Variants in SIM1 observed in about 807,000 individuals in gnomAD.
SIM1 encodes single-minded homolog 1.
SIM1 carries 18 observed loss-of-function variants against 78.2 expected under a neutral mutation model. The observed-to-expected ratio is 0.23, with a 90% CI of 0.16 to 0.34. The LOEUF (loss-of-function observed/expected upper bound fraction) is 0.34, where lower values mean the gene tolerates loss of function less well. Among genes scored for constraint, SIM1 ranks in the 10% least tolerant of loss-of-function variants. The pLI, the probability that SIM1 is intolerant of heterozygous loss-of-function variation, is 1.00. For missense variants in SIM1, 939 were observed against 975.1 expected (o/e 0.96, Z 0.49); for synonymous variants, 417 against 385.2 (o/e 1.08, Z -0.97).
Position 100,438,139 on chromosome 6 carries a change from C to T in SIM1, c.998+9129G>A, listed in dbSNP as rs527722832. ...GGACCTGATTAAAAAAAAGCTTCTG[C>T]GTTGCAAAAGAAACAATCAGCAGAA... On this transcript the variant is annotated intron_variant, in intron 9 of 11. Coordinates refer to ENST00000369208, the MANE Select transcript of SIM1 (RefSeq NM_005068.3). Among the ~76,000 whole-genome samples, 7 of 152,204 alleles carry T rather than the reference C, an allele frequency of 4.6e-5. 1 individual carries two copies. The highest frequency in any genetic ancestry group is 1.2e-4 in the African/African-American group (5 of 41,538).
intron 10 of SIM1, among the ~76,000 whole-genome samples, chr6:100,410,476 A>T (rs1771164825): frequency 6.6e-6 from 1 of 152,208 alleles, no homozygotes; most frequent in Admixed American, 6.5e-5. Flanking sequence ...TGACATGCTG[A>T]ACATAAATTA....
Position 100,447,363 on chromosome 6 carries a change from G to GT in SIM1, c.902dup (p.His301GlnfsTer66). On this transcript the variant is annotated frameshift_variant, in exon 9 of 12. Coordinates refer to ENST00000369208, the MANE Select transcript of SIM1 (RefSeq NM_005068.3). LOFTEE classifies it high-confidence loss of function. Reference sequence around the variant, plus strand: ...AGCTCTGCACCCATACCCAGCCGCCGTGTTTCGCCAGGAACCTGTAGTACT... The same window carrying GT: ...AGCTCTGCACCCATACCCAGCCGCCGTTGTTTCGCCAGGAACCTGTAGTACT... 1 of 1,614,236 alleles carries GT rather than the reference G, an allele frequency of 6.2e-7. No homozygotes were observed. The highest frequency in any genetic ancestry group is 8.5e-7 in the Non-Finnish European group (1 of 1,180,044).
Position 100,389,655 on chromosome 6 carries a change from T to TCAGCGC in SIM1, c.*700_*705dup, listed in dbSNP as rs1336831609. The TCAGCGC allele has an allele frequency of 2.0e-5, 8 of 398,862 alleles. No homozygotes were observed. 24.7% of individuals were successfully genotyped at this position (398,862 alleles called of 1,614,324 possible). ...TCAGTGTTCTTACTTAGAAAAACCC[T>TCAGCGC]CAGCGCCATGTCAGTGCAATCCTGG... On this transcript the variant is annotated 3_prime_UTR_variant, in exon 12 of 12. Coordinates refer to ENST00000369208, the MANE Select transcript of SIM1 (RefSeq NM_005068.3).
Position 100,388,007 on chromosome 6 carries a change from A to T in SIM1, c.*2354T>A, listed in dbSNP as rs1001894358. On this transcript the variant is annotated 3_prime_UTR_variant, in exon 12 of 12. Coordinates refer to ENST00000369208, the MANE Select transcript of SIM1 (RefSeq NM_005068.3). ...TCATCAAATATTTTTTCTTCCAAACATCTATCAATCTACAGAATTCTACAA... is the reference window on the plus strand; with the variant it reads ...TCATCAAATATTTTTTCTTCCAAACTTCTATCAATCTACAGAATTCTACAA... 6.6e-6 allele frequency: 1 copy of T among 152,126 alleles called. No homozygotes were observed. The highest frequency in any genetic ancestry group is 1.5e-5 in the Non-Finnish European group (1 of 68,000). 9.4% of individuals were successfully genotyped at this position (152,126 alleles called of 1,614,324 possible). A position where few individuals can be genotyped will look rare whatever the true frequency, so the allele number is the denominator to read the frequency against.
intron 10 of SIM1, among the ~76,000 whole-genome samples, chr6:100,402,569 T>C (rs1248295211): frequency 8.1e-4 from 79 of 97,662 alleles, no homozygotes; most frequent in African/African-American, 2.3e-3. Flanking sequence ...TCTTTTCTCT[T>C]TTTTTTTTTT....
chr6:100,457,356 C>G (rs903743584), intron 2 of SIM1, among the ~76,000 whole-genome samples: 1 of 152,228 alleles, frequency 6.6e-6, no homozygotes, highest in African/African-American at 2.4e-5. Flanking sequence ...AGGCCCTGTT[C>G]CATGACCTGA....
intron 9 of SIM1, among the ~76,000 whole-genome samples, chr6:100,440,475 C>T (rs1772181127): frequency 6.6e-6 from 1 of 152,174 alleles, no homozygotes; most frequent in South Asian, 2.1e-4. Context: ...TTGTCAATGC[C>T]CCACAAAGTA....
At position 100,453,666 on chromosome 6, in the gene SIM1, T is replaced by G. The variant is rs567895845; in HGVS notation, c.258+96A>C. 1.7e-5 allele frequency: 16 copies of G among 940,202 alleles called. No homozygotes were observed. The East Asian group carries it at 4.4e-4, about 26-fold the overall frequency. 58.2% of individuals were successfully genotyped at this position (940,202 alleles called of 1,614,324 possible). A position where few individuals can be genotyped will look rare whatever the true frequency, so the allele number is the denominator to read the frequency against. On this transcript the variant is annotated intron_variant, in intron 3 of 11. Coordinates refer to ENST00000369208, the MANE Select transcript of SIM1 (RefSeq NM_005068.3). ...TTGTGGGGGGGGTTGTTTGTTTTTT[T>G]TTTGTTTTTGTTTTCTGAGAAACTA... is the stretch of plus-strand genomic sequence containing the variant.
At chr6:100,453,709 C>G (rs1772572893) in intron 3 of SIM1, 53 bp downstream of exon 3, 1 of 1,317,198 alleles carries the variant, frequency 7.6e-7, no homozygotes. Flanking sequence ...AACTCAGGGC[C>G]AGGCACTCAG....
intron 10 of SIM1, among the ~76,000 whole-genome samples, chr6:100,408,591 A>G (rs2114484897): frequency 6.6e-6 from 1 of 151,936 alleles, no homozygotes; most frequent in East Asian, 1.9e-4. Context: ...CATTTATTCT[A>G]TACTAATTTG....
intron 9 of SIM1, among the ~76,000 whole-genome samples, chr6:100,434,668 C>T (rs913095311): frequency 2.6e-5 from 4 of 152,164 alleles, no homozygotes; most frequent in South Asian, 2.1e-4. Context: ...ATTCTAAGAT[C>T]GCATTTTACC....
chr6:100,421,972 C>CAT (rs1771600144), intron 9 of SIM1, among the ~76,000 whole-genome samples: 2 of 151,638 alleles, frequency 1.3e-5, no homozygotes, highest in Non-Finnish European at 2.9e-5. Flanking sequence ...TCATATAGCT[C>CAT]CTCACGTTTC....
chr6:100,453,684 A>G, intron 3 of SIM1, 78 bp downstream of exon 3: 3 of 1,002,770 alleles, frequency 3.0e-6, no homozygotes, highest in Non-Finnish European at 4.3e-6. Context: ...TTGTTTTCTG[A>G]GAAACTAAAA....
Position 100,389,637 on chromosome 6 carries a change from T to G in SIM1, c.*724A>C, listed in dbSNP as rs1176246363. 1 of 398,884 alleles carries G rather than the reference T, an allele frequency of 2.5e-6. No individual in the cohort carries two copies. The highest frequency in any genetic ancestry group is 4.4e-5 in the Admixed American group (1 of 22,720). 24.7% of individuals were successfully genotyped at this position (398,884 alleles called of 1,614,324 possible). ...GATGTGTGTCCCAATATCTCAGTGT[T>G]CTTACTTAGAAAAACCCTCAGCGCC... is the stretch of plus-strand genomic sequence containing the variant. On this transcript the variant is annotated 3_prime_UTR_variant, in exon 12 of 12. Coordinates refer to ENST00000369208, the MANE Select transcript of SIM1 (RefSeq NM_005068.3).
At chr6:100,444,515 G>A (rs1396272694) in intron 9 of SIM1, among the ~76,000 whole-genome samples, 4 of 151,984 alleles carry the variant, frequency 2.6e-5, no homozygotes, top group Non-Finnish European at 4.4e-5. Flanking sequence ...ACTGAACCTC[G>A]GAGACCCAGA....
rs1483567734 is a variant in SIM1, at chr6:100,393,573, G to T, written c.1484C>A (p.Ala495Asp). Residue 495 changes from alanine to aspartate, a missense_variant, in exon 11 of 12, where the codon GCC becomes GAC. Around this residue, in one of 5 missense-constraint regions of SIM1, gnomAD observed 556 missense variants for 521.9 expected, o/e 1.07. Coordinates refer to ENST00000369208, the MANE Select transcript of SIM1 (RefSeq NM_005068.3). ...GREPWWGSRA[A>D]LPLTKASPES... is the part of the protein sequence containing the mutation. ...TGGGGAGGCCTTTGTCAGGGGCAAG[G>T]CTGCGCGAGAGCCCCACCAGGGCTC... The T allele has an allele frequency of 3.1e-6, 5 of 1,613,314 alleles. No homozygotes were observed. Among genetic ancestry groups the T allele is most frequent in the Non-Finnish European group, 4.2e-6 (5 of 1,179,328 alleles).
chr6:100,422,097 CTTTTATTTT>C (rs1771603907), intron 9 of SIM1, among the ~76,000 whole-genome samples: 2 of 152,128 alleles, frequency 1.3e-5, no homozygotes. Context: ...CCACTGGCTT[CTTTTATTTT>C]TCTTATTTTT....
chr6:100,455,788 G>C (rs1237254084), intron 2 of SIM1, among the ~76,000 whole-genome samples: 4 of 152,200 alleles, frequency 2.6e-5, no homozygotes, highest in African/African-American at 9.6e-5. Context: ...CGAAGACTGC[G>C]CTGAGCATTT....
chr6:100,433,465 C>T (rs910354732), intron 9 of SIM1, among the ~76,000 whole-genome samples: 1 of 152,162 alleles, frequency 6.6e-6, no homozygotes, highest in Non-Finnish European at 1.5e-5. Flanking sequence ...TTAGAGAAAC[C>T]TTTCTGACCA....
Sources: gnomAD v4.1 joint callset for allele counts (sites outside exome capture counted in the v4.1 genomes callset) on GRCh38, gnomAD v4.1.1 for gene constraint, gnomAD v4.1.1 regional missense constraint, MANE v1.5 for transcripts, NCBI Gene and HGNC (gene_info 2026-07-23, HGNC 2026-07-21) for gene names.